KCNMA1: variants seen among roughly 807,000 people sequenced by gnomAD.
KCNMA1 encodes the protein Calcium-activated potassium channel subunit alpha-1.
Under a neutral mutation model 140.0 loss-of-function variants are expected in KCNMA1, and 29 were observed. The observed-to-expected ratio is 0.21, with a 90% CI of 0.15 to 0.28. The LOEUF is 0.28. Among genes scored for constraint, KCNMA1 ranks in the 10% least tolerant of loss-of-function variants. The probability of loss-of-function intolerance (pLI) is 1.00; values close to 1 mark genes in which losing one functional copy is unlikely to be tolerated. For synonymous variants in KCNMA1, 612 were observed against 611.9 expected, an observed-to-expected ratio of 1.00 and a Z score of 0.00; for missense variants, 880 against 1,602.2, an observed-to-expected ratio of 0.55 and a Z score of 7.70.
intron 3 of KCNMA1, among the ~76,000 whole-genome samples, chr10:77,244,701 G>A (rs1431751818): frequency 1.3e-5 from 2 of 152,174 alleles, no homozygotes; most frequent in African/African-American, 4.8e-5. Context: ...CTCGATTCCT[G>A]AACAAATGGC....
chr10:77,425,132 G>A (rs551108619), intron 1 of KCNMA1, among the ~76,000 whole-genome samples: 1 of 152,022 alleles, frequency 6.6e-6, no homozygotes, highest in African/African-American at 2.4e-5. Flanking sequence ...TGGATGGATG[G>A]ATGGATGGAT....
chr10:77,087,639 C>T (rs2096723378), intron 10 of KCNMA1, among the ~76,000 whole-genome samples: 1 of 152,204 alleles, frequency 6.6e-6, no homozygotes, highest in Non-Finnish European at 1.5e-5. Flanking sequence ...CGACTCATCA[C>T]ATTTCTTGGT....
intron 1 of KCNMA1, among the ~76,000 whole-genome samples, chr10:77,417,211 T>C (rs2096761664): frequency 6.6e-6 from 1 of 152,212 alleles, no homozygotes; most frequent in Non-Finnish European, 1.5e-5. Context: ...AGGGCCCACA[T>C]CTGCTCCCCC....
intron 1 of KCNMA1, among the ~76,000 whole-genome samples, chr10:77,433,353 A>G (rs1306022925): frequency 6.6e-6 from 1 of 152,152 alleles, no homozygotes; most frequent in East Asian, 1.9e-4. Flanking sequence ...GGGTTTCACC[A>G]TGTTGGTCAG....
At chr10:77,012,961 A>T (rs1053401993) in intron 17 of KCNMA1, among the ~76,000 whole-genome samples, 3 of 152,168 alleles carry the variant, frequency 2.0e-5, no homozygotes, top group African/African-American at 4.8e-5. Context: ...CCCTTTCAGT[A>T]CTGGGGAGGT....
At position 77,079,547 on chromosome 10, in the gene KCNMA1, T is replaced by A. The variant is rs1386568591; in HGVS notation, c.1527A>T (p.Val509=). 2.5e-6 allele frequency: 4 copies of A among 1,602,170 alleles called. No individual in the cohort carries two copies. Among genetic ancestry groups the A allele is most frequent in the Non-Finnish European group, 3.4e-6 (4 of 1,169,276 alleles). Residue 509 remains valine (V), a synonymous_variant, in exon 13 of 28, where the codon GTA becomes GTT. Coordinates refer to ENST00000286628, the MANE Select transcript of KCNMA1 (RefSeq NM_001161352.2). ...TCGGATGGTAGTTCTTTATGGAGAT[T>A]ACTCTGAAAAAGAAAGAACCAATGC... The part of the protein sequence containing the change: ...DAEDASNIMR[V]ISIKNYHPKI...
intron 3 of KCNMA1, among the ~76,000 whole-genome samples, chr10:77,238,019 C>T (rs1317926884): frequency 6.6e-6 from 1 of 152,202 alleles, no homozygotes; most frequent in Non-Finnish European, 1.5e-5. Flanking sequence ...ACTGCCTCGC[C>T]TTCCCTGCAC....
At chr10:76,962,055 C>A (rs2071718734) in intron 20 of KCNMA1, among the ~76,000 whole-genome samples, 1 of 152,172 alleles carries the variant, frequency 6.6e-6, no homozygotes, top group African/African-American at 2.4e-5. Context: ...CCTGCTACAA[C>A]AGGAACAGAA....
Position 77,637,295 on chromosome 10 carries a change from G to T in KCNMA1, c.348C>A (p.Thr116=), listed in dbSNP as rs200178895. ...LLWRTLKYLW[T]VCCHCGGKTK... is the part of the protein sequence containing the mutation. Reference sequence around the variant, plus strand: ...TCTTGCCCCCGCAGTGGCAGCACACGGTCCACAGGTACTTGAGCGTCCGCC... The same window carrying T: ...TCTTGCCCCCGCAGTGGCAGCACACTGTCCACAGGTACTTGAGCGTCCGCC... The change falls in exon 1 of 28, where the codon ACC becomes ACA. Residue 116 remains threonine (T), a synonymous_variant. Transcript: ENST00000286628. 2 of 1,610,246 alleles carry T rather than the reference G, an allele frequency of 1.2e-6. No homozygotes were observed. The highest frequency in any genetic ancestry group is 1.7e-6 in the Non-Finnish European group (2 of 1,177,462).
At chr10:77,572,670 C>A (rs1305854927) in intron 1 of KCNMA1, among the ~76,000 whole-genome samples, 1 of 131,738 alleles carries the variant, frequency 7.6e-6, no homozygotes, top group African/African-American at 2.9e-5. Context: ...GCAGGATAAT[C>A]GCTTGAGCTC....
At chr10:77,632,774 G>T (rs1045124118) in intron 1 of KCNMA1, among the ~76,000 whole-genome samples, 4 of 152,258 alleles carry the variant, frequency 2.6e-5, no homozygotes, top group African/African-American at 9.6e-5. Flanking sequence ...ACTTCATGAA[G>T]CTATGATAGT....
At position 76,885,398 on chromosome 10, in the gene KCNMA1, A is replaced by G; in HGVS notation, c.*1868T>C. ...ATTCCCCACCACAATACTGGTTTGA[A>G]TACTACGCTGCCCCTGTCTTTGGTG... On this transcript the variant is annotated 3_prime_UTR_variant, in exon 28 of 28. Coordinates refer to ENST00000286628, the MANE Select transcript of KCNMA1 (RefSeq NM_001161352.2). 1 of 985,176 alleles carries G rather than the reference A, an allele frequency of 1.0e-6. No homozygotes were observed. The highest frequency in any genetic ancestry group is 1.2e-6 in the Non-Finnish European group (1 of 829,836). 61.0% of individuals were successfully genotyped at this position (985,176 alleles called of 1,614,324 possible). A position where few individuals can be genotyped will look rare whatever the true frequency, so the allele number is the denominator to read the frequency against.
At chr10:77,634,310 A>G (rs1342760050) in intron 1 of KCNMA1, 4 of 985,366 alleles carry the variant, frequency 4.1e-6, no homozygotes, top group Non-Finnish European at 4.8e-6. Flanking sequence ...AGTTCCCAAC[A>G]GGAGGAAATT....
At chr10:76,999,945 C>A (rs1717611727) in intron 19 of KCNMA1, among the ~76,000 whole-genome samples, 1 of 152,170 alleles carries the variant, frequency 6.6e-6, no homozygotes, top group Non-Finnish European at 1.5e-5. Context: ...CCTGGCATGG[C>A]ACACAGTGAA....
chr10:77,581,827 G>A (rs376592464), intron 1 of KCNMA1, among the ~76,000 whole-genome samples: 6 of 152,308 alleles, frequency 3.9e-5, no homozygotes, highest in Admixed American at 1.3e-4. Flanking sequence ...CCCACTCTCC[G>A]GCTGTCACTG....
At chr10:77,477,222 T>C (rs2098297931) in intron 1 of KCNMA1, among the ~76,000 whole-genome samples, 1 of 152,234 alleles carries the variant, frequency 6.6e-6, no homozygotes, top group African/African-American at 2.4e-5. Context: ...GAGAAATGTC[T>C]GCAGTGTAAC....
intron 19 of KCNMA1, among the ~76,000 whole-genome samples, chr10:76,986,577 C>T (rs1401780756): frequency 6.6e-6 from 1 of 152,154 alleles, no homozygotes; most frequent in Non-Finnish European, 1.5e-5. Flanking sequence ...GGGTTCAGGG[C>T]TGTCAAGATT....
chr10:77,174,084 C>T (rs540582079), intron 5 of KCNMA1, among the ~76,000 whole-genome samples: 1 of 152,118 alleles, frequency 6.6e-6, no homozygotes, highest in Non-Finnish European at 1.5e-5. Flanking sequence ...GAGACCTTTC[C>T]TTTCAGAGCC....
intron 2 of KCNMA1, among the ~76,000 whole-genome samples, chr10:77,344,627 A>T (rs2091770152): frequency 6.6e-6 from 1 of 150,988 alleles, no homozygotes; most frequent in Non-Finnish European, 1.5e-5. Context: ...CATATTTCAT[A>T]TTTTTCAACA....
Sources: gnomAD v4.1 joint callset for allele counts (sites outside exome capture counted in the v4.1 genomes callset) on GRCh38, gnomAD v4.1.1 for gene constraint, MANE v1.5 for transcripts, NCBI Gene and HGNC (gene_info 2026-07-23, HGNC 2026-07-21) for gene names.